The following C2 variants were observed in gnomAD, a reference collection of about 807,000 sequenced individuals.
C2 encodes complement C2.
C2 carries 64 observed loss-of-function variants against 85.2 expected under a neutral mutation model. The observed-to-expected ratio is 0.75, with a 90% CI of 0.61 to 0.92. The LOEUF (loss-of-function observed/expected upper bound fraction) is 0.92. Ranked by LOEUF, C2 falls within the 40% of genes least tolerant of loss-of-function variation. C2 has a pLI of 0.00. For synonymous variants in C2, 311 were observed against 370.8 expected (o/e 0.84, Z 1.85); for missense variants, 820 against 971.6 (o/e 0.84, Z 2.07).
intron 1 of C2, among the ~76,000 whole-genome samples, chr6:31,906,094 A>G (rs959677374): frequency 1.3e-5 from 2 of 152,008 alleles, no homozygotes; most frequent in Non-Finnish European, 1.5e-5. Context: ...GGCTGATGAA[A>G]CTGTCTTACA....
At chr6:31,916,938 G>A (rs1049345747), upstream of C2, among the ~76,000 whole-genome samples, 2 of 147,684 alleles carry the variant, frequency 1.4e-5, no homozygotes, top group African/African-American at 2.5e-5. Context: ...TTGGGAGGCC[G>A]AGGCGGGTGG....
chr6:31,944,148 GAACA>G lies in C2; in HGVS notation c.1829_1832del (p.Lys610ArgfsTer10), dbSNP rs763268467. The G allele has an allele frequency of 1.6e-5, 25 of 1,612,442 alleles. No homozygotes were observed. Among genetic ancestry groups the G allele is most frequent in the African/African-American group, 5.3e-5 (4 of 74,918 alleles). On this transcript the variant is annotated frameshift_variant, in exon 15 of 18. Coordinates refer to ENST00000299367, the MANE Select transcript of C2 (RefSeq NM_000063.6). LOFTEE classifies it high-confidence loss of function. This position sits in a 1 kb window ranked among gnomAD's most constrained non-coding sequence, Gnocchi z 5.1. The stretch of plus-strand genomic sequence containing the variant: ...TCTTGACTATAGAGAATGAACTGCT[GAACA>G]AACAGAGTGTTCCTGCTCATTTTGT...
chr6:31,926,080 A>G (rs892758397), upstream of C2, among the ~76,000 whole-genome samples: 2 of 152,144 alleles, frequency 1.3e-5, no homozygotes, highest in Non-Finnish European at 2.9e-5. Context: ...CATAAGTTCT[A>G]CTAACATCCC....
chr6:31,929,633 C>T (rs1459866576), intron 3 of C2, among the ~76,000 whole-genome samples: 1 of 145,140 alleles, frequency 6.9e-6, no homozygotes, highest in Non-Finnish European at 1.5e-5. Context: ...GCAGGAGAAT[C>T]ATTTGAACCA....
Position 31,908,141 on chromosome 6 carries a change from C to T in C2, c.73+7002C>T, listed in dbSNP as rs955101101. Among the ~76,000 whole-genome samples the T allele has an allele frequency of 8.0e-5, 12 of 149,720 alleles. No homozygotes were observed. In the East Asian group the frequency reaches 1.6e-3, roughly 20 times the overall value. ...GATTACAGGCATGAGCCGCAGCACCCGGCCATTTTTTTTTTTTTTTTAATT... is the reference window on the plus strand; with the variant it reads ...GATTACAGGCATGAGCCGCAGCACCTGGCCATTTTTTTTTTTTTTTTAATT... On this transcript the variant is annotated intron_variant, in intron 1 of 3. Transcript: ENST00000452202.
In C2 at chr6:31,933,694, G is replaced by A. The variant is rs760099240; in HGVS notation, c.527G>A (p.Arg176His). The A allele has an allele frequency of 1.9e-6, 3 of 1,613,088 alleles. No individual in the cohort carries two copies. Among genetic ancestry groups the A allele is most frequent in the Non-Finnish European group, 2.5e-6 (3 of 1,180,056 alleles). The change falls in exon 4 of 18, where the codon CGC (arginine) becomes CAC (histidine). Residue 176 changes from arginine to histidine, a missense_variant. Arg to His is a conservative substitution (Grantham distance 29). Transcript: ENST00000299367. ...RFGHGDKVRY[R>H]CSSNLVLTGS... is the part of the protein sequence containing the mutation. ...GGTCATGGGGACAAGGTCCGCTATC[G>A]CTGCTCCTCGAATCTTGTGCTCACG...
At chr6:31,941,008 C>A (rs982336949) in intron 9 of C2, among the ~76,000 whole-genome samples, 2 of 152,204 alleles carry the variant, frequency 1.3e-5, no homozygotes, top group Admixed American at 1.3e-4. Flanking sequence ...TGACTGGCAC[C>A]ACAGTCGGAG....
chr6:31,914,451 C>A (rs1361956167), intron 1 of C2, among the ~76,000 whole-genome samples: 1 of 150,246 alleles, frequency 6.7e-6, no homozygotes, highest in Non-Finnish European at 1.5e-5. Context: ...ATTAGCTGGG[C>A]GTAGTGGTGT....
chr6:31,933,979 G>A lies in C2; in HGVS notation c.715+14G>A. The A allele has an allele frequency of 1.2e-6, 2 of 1,609,178 alleles. No homozygotes were observed. The highest frequency in any genetic ancestry group is 2.7e-5 in the African/African-American group (2 of 74,958). On this transcript the variant is annotated intron_variant, in intron 5 of 17. Coordinates refer to ENST00000299367, the MANE Select transcript of C2 (RefSeq NM_000063.6). Reference sequence around the variant, plus strand: ...AGAAGACAAAGGGTGAGTGTTTGAGGTGGGGTTTCTGGTTGAGCAGGGTGC... The same window carrying A: ...AGAAGACAAAGGGTGAGTGTTTGAGATGGGGTTTCTGGTTGAGCAGGGTGC...
chr6:31,928,690 C>T (rs1161444232), intron 2 of C2, 42 bp from the exon 3 acceptor site: 1 of 1,599,948 alleles, frequency 6.3e-7, no homozygotes, highest in Non-Finnish European at 8.6e-7. Context: ...CAGGTGTTAT[C>T]CATCCAGTCC....
At chr6:31,938,481 CATATAT>C (rs28993458) in intron 8 of C2, among the ~76,000 whole-genome samples, 2 of 142,988 alleles carry the variant, frequency 1.4e-5, no homozygotes, top group East Asian at 4.0e-4. Flanking sequence ...TGTATACATA[CATATAT>C]ATATATATAT....
intron 1 of C2, among the ~76,000 whole-genome samples, chr6:31,912,955 A>C (rs1226054681): frequency 7.1e-6 from 1 of 141,430 alleles, no homozygotes; most frequent in Non-Finnish European, 1.5e-5. Flanking sequence ...GCACTTTAGG[A>C]GGGCAAGGTG....
intron 1 of C2, among the ~76,000 whole-genome samples, chr6:31,914,765 TAGCC>T (rs1245330737): frequency 6.6e-6 from 1 of 151,284 alleles, no homozygotes; most frequent in African/African-American, 2.4e-5. Flanking sequence ...ACAAAAAAAT[TAGCC>T]AGGCGTGGTG....
At chr6:31,939,745 G>GCCCA (rs1770732864) in intron 9 of C2, among the ~76,000 whole-genome samples, 1 of 152,038 alleles carries the variant, frequency 6.6e-6, no homozygotes, top group South Asian at 2.1e-4. Context: ...GAGCCACTAT[G>GCCCA]CTCAGCCCGT....
At chr6:31,919,132 T>C (rs1483261165), upstream of C2, among the ~76,000 whole-genome samples, 1 of 148,954 alleles carries the variant, frequency 6.7e-6, no homozygotes, top group Non-Finnish European at 1.5e-5. Context: ...TTCTTTTCTT[T>C]TCTTTTCTTT....
rs1771194077 is a variant in C2, at chr6:31,944,569, CGGGATTTCGCCAT to C, written c.1903-156_1903-144del. ...CTAATTTTTGTATTTTTAGTAGAGA[CGGGATTTCGCCAT>C]GTTGGCCAGGATGGTCTTGAACTCC... On this transcript the variant is annotated intron_variant, in intron 15 of 17. Transcript: ENST00000299367. This position sits in a 1 kb window ranked among gnomAD's most constrained non-coding sequence, Gnocchi z 5.1. Among the ~76,000 whole-genome samples, 4 of 152,120 alleles carry C rather than the reference CGGGATTTCGCCAT, an allele frequency of 2.6e-5. No individual in the cohort carries two copies. Among genetic ancestry groups the C allele is most frequent in the African/African-American group, 4.8e-5 (2 of 41,422 alleles).
intron 3 of C2, 101 bp downstream of exon 3, chr6:31,929,018 G>A: frequency 9.6e-7 from 1 of 1,041,542 alleles, no homozygotes; most frequent in South Asian, 1.6e-5. Flanking sequence ...ATAGGAGTCT[G>A]TTGTTCAGTG....
chr6:31,937,444 A>T lies in C2; in HGVS notation c.1114A>T (p.Ile372Phe). The change falls in exon 8 of 18, where the codon ATC becomes TTC. Residue 372 changes from isoleucine to phenylalanine, a missense_variant. Transcript: ENST00000299367. Reference sequence around the variant, plus strand: ...CTGGCAGGAAATCCGACATGCCATCATCCTTCTGACAGATGGTGGGTATCA... The same window carrying T: ...CTGGCAGGAAATCCGACATGCCATCTTCCTTCTGACAGATGGTGGGTATCA... ...MAWQEIRHAI[I>F]LLTDGKSNMG... is the part of the protein sequence containing the mutation. 6.2e-7 allele frequency: 1 copy of T among 1,612,908 alleles called. No homozygotes were observed. The highest frequency in any genetic ancestry group is 1.3e-5 in the African/African-American group (1 of 75,014).
At chr6:31,911,632 T>A (rs1768105280) in intron 1 of C2, among the ~76,000 whole-genome samples, 1 of 151,746 alleles carries the variant, frequency 6.6e-6, no homozygotes, top group South Asian at 2.1e-4. Flanking sequence ...TTCTTTCTTT[T>A]TTTTTTTTTC....
Sources: gnomAD v4.1 joint callset for allele counts (sites outside exome capture counted in the v4.1 genomes callset) on GRCh38, gnomAD v4.1.1 for gene constraint, Gnocchi (gnomAD v3.1) non-coding constraint, MANE v1.5 for transcripts, NCBI Gene and HGNC (gene_info 2026-07-23, HGNC 2026-07-21) for gene names.